Variants in SLC7A5 observed in about 807,000 individuals in gnomAD.
The protein encoded by SLC7A5 is solute carrier family 7 member 5.
A neutral mutation model predicts 50.2 loss-of-function variants in SLC7A5; 23 were observed. That is an observed-to-expected ratio of 0.46 (90% CI 0.33 to 0.65). The LOEUF is 0.65. Among genes scored for constraint, SLC7A5 ranks in the 30% least tolerant of loss-of-function variants. The pLI, the probability that SLC7A5 is intolerant of heterozygous loss-of-function variation, is 0.02. For missense variants in SLC7A5, 578 were observed against 684.4 expected (o/e 0.84, Z 1.73); for synonymous variants, 393 against 330.6 (o/e 1.19, Z -2.05).
intron 2 of SLC7A5, among the ~76,000 whole-genome samples, chr16:87,851,459 TCA>T (rs1219639295): frequency 6.6e-6 from 1 of 152,170 alleles, no homozygotes; most frequent in Non-Finnish European, 1.5e-5. Context: ...CTCTCAAGAT[TCA>T]CAGACATCGC....
intron 1 of SLC7A5, among the ~76,000 whole-genome samples, chr16:87,856,289 G>A (rs1339965401): frequency 6.6e-6 from 1 of 152,244 alleles, no homozygotes; most frequent in Non-Finnish European, 1.5e-5. Flanking sequence ...GGCAGAGATG[G>A]TCCAAGGCCT....
rs1437969492 is a variant in SLC7A5, at chr16:87,833,012, G to C, written c.1482C>G (p.Val494=). 1.2e-6 allele frequency: 2 copies of C among 1,613,902 alleles called. No homozygotes were observed. The highest frequency in any genetic ancestry group is 1.7e-6 in the Non-Finnish European group (2 of 1,179,892). The stretch of plus-strand genomic sequence containing the variant: ...CCACCTGCATGAGCTTCTGACACAG[G>C]ACGGTCGTGGAGACTGTCAGGAGAG... ...WLLQGIFSTT[V]LCQKLMQVVP... is the part of the protein sequence containing the mutation. The change falls in exon 10 of 10, where the codon GTC becomes GTG. Residue 494 remains valine, a synonymous_variant. Coordinates refer to ENST00000261622, the MANE Select transcript of SLC7A5 (RefSeq NM_003486.7). This position sits in a 1 kb window ranked among gnomAD's most constrained non-coding sequence, Gnocchi z 6.0.
In SLC7A5 at chr16:87,869,387, C is replaced by A. The variant is rs1417329745; in HGVS notation, c.36G>T (p.Ala12=). ...AGAGPKRRAL[A]APAAEEKEEA... is the part of the protein sequence containing the mutation. ...CTTCCTTCTCCTCGGCCGCCGGCGC[C>A]GCTAGCGCGCGCCGCTTCGGGCCCG... The change falls in exon 1 of 10, where the codon GCG becomes GCT. Residue 12 remains alanine (A), a synonymous_variant. Transcript: ENST00000261622. The A allele has an allele frequency of 6.4e-7, 1 of 1,570,638 alleles. No homozygotes were observed. The highest frequency in any genetic ancestry group is 8.6e-7 in the Non-Finnish European group (1 of 1,163,922).
Position 87,843,347 on chromosome 16 carries a change from C to CTTTTTTTT in SLC7A5, c.665-2200_665-2193dup, listed in dbSNP as rs60307560. Among the ~76,000 whole-genome samples the CTTTTTTTT allele has an allele frequency of 1.6e-3, 101 of 63,322 alleles. 7 individuals carry two copies. Among genetic ancestry groups the CTTTTTTTT allele is most frequent in the African/African-American group, 6.1e-3 (93 of 15,328 alleles). The allele number at this position is 63,322 out of a possible 152,430, so 41.5% of individuals were successfully genotyped here. Reference sequence around the variant, plus strand: ...ATTGGCAGCCCTAAGGCCTGAGTAACTTTTTTTTTTTTTTTTTTTTTTTTT... The same window carrying CTTTTTTTT: ...ATTGGCAGCCCTAAGGCCTGAGTAACTTTTTTTTTTTTTTTTTTTTTTTTTTTTTTTTT... On this transcript the variant is annotated intron_variant, in intron 2 of 9. Coordinates refer to ENST00000261622, the MANE Select transcript of SLC7A5 (RefSeq NM_003486.7).
At chr16:87,866,339 G>A (rs2055460544) in intron 1 of SLC7A5, among the ~76,000 whole-genome samples, 1 of 152,218 alleles carries the variant, frequency 6.6e-6, no homozygotes, top group African/African-American at 2.4e-5. Flanking sequence ...TGGGGGTCGG[G>A]GGTGGTAAAG....
intron 1 of SLC7A5, among the ~76,000 whole-genome samples, chr16:87,868,503 G>T (rs4843723): frequency 6.6e-6 from 1 of 152,104 alleles, no homozygotes; most frequent in African/African-American, 2.4e-5. Flanking sequence ...GTCAGCAATC[G>T]GAGCTCTAAC....
intron 1 of SLC7A5, among the ~76,000 whole-genome samples, chr16:87,857,935 G>A (rs2055341668): frequency 6.6e-6 from 1 of 152,208 alleles, no homozygotes; most frequent in Non-Finnish European, 1.5e-5. Context: ...AAACAGGCCA[G>A]GAAGATGCAG....
chr16:87,866,629 C>A (rs2055464884), intron 1 of SLC7A5, among the ~76,000 whole-genome samples: 1 of 152,064 alleles, frequency 6.6e-6, no homozygotes, highest in Non-Finnish European at 1.5e-5. Context: ...CCACACCCAG[C>A]TAATTTTTTG....
At position 87,853,745 on chromosome 16, in the gene SLC7A5, C is replaced by T. The variant is rs1338135783; in HGVS notation, c.539-1896G>A. On this transcript the variant is annotated intron_variant, in intron 1 of 9. Transcript: ENST00000261622. The surrounding 1 kb of genome is among the most constrained non-coding windows in gnomAD (Gnocchi z 4.4). ...GGATTCGCAAGAGGCCGGCTGATTG[C>T]ATCACTCGCTCATTCATGCCCGGAG... Among the ~76,000 whole-genome samples the T allele has an allele frequency of 1.3e-5, 2 of 152,206 alleles. No homozygotes were observed. The highest frequency in any genetic ancestry group is 6.5e-5 in the Admixed American group (1 of 15,284).
intron 1 of SLC7A5, among the ~76,000 whole-genome samples, chr16:87,856,673 C>T (rs1169212395): frequency 8.5e-5 from 13 of 152,214 alleles, no homozygotes; most frequent in Admixed American, 3.9e-4. Flanking sequence ...CACAGGGCCC[C>T]GAACTTGGTG....
intron 5 of SLC7A5, among the ~76,000 whole-genome samples, chr16:87,839,189 G>A (rs1385176068): frequency 6.6e-6 from 1 of 152,332 alleles, no homozygotes; most frequent in South Asian, 2.1e-4. Context: ...TAGGAAGCTG[G>A]CCAGAGCACC....
At chr16:87,846,456 A>G (rs1191810362) in intron 2 of SLC7A5, among the ~76,000 whole-genome samples, 5 of 152,210 alleles carry the variant, frequency 3.3e-5, no homozygotes, top group Non-Finnish European at 4.4e-5. Context: ...CTGTCCCCCA[A>G]AACTCAGACG....
At chr16:87,846,000 C>T (rs1301292095) in intron 2 of SLC7A5, among the ~76,000 whole-genome samples, 1 of 152,206 alleles carries the variant, frequency 6.6e-6, no homozygotes, top group African/African-American at 2.4e-5. Context: ...ATGGCAGGCC[C>T]AGGACACACT....
Position 87,852,735 on chromosome 16 carries a change from G to A in SLC7A5, c.539-886C>T, listed in dbSNP as rs1007812518. Among the ~76,000 whole-genome samples, 3 of 151,478 alleles carry A rather than the reference G, an allele frequency of 2.0e-5. No homozygotes were observed. Among genetic ancestry groups the A allele is most frequent in the Non-Finnish European group, 4.4e-5 (3 of 67,900 alleles). On this transcript the variant is annotated intron_variant, in intron 1 of 9. Transcript: ENST00000261622. This position sits in a 1 kb window ranked among gnomAD's most constrained non-coding sequence, Gnocchi z 4.5. ...AGGCACGCTGAGCCACTGTGTGTGT[G>A]TGCGTGTGTGTGTGTGTTTTGGGGG...
intron 1 of SLC7A5, among the ~76,000 whole-genome samples, chr16:87,857,126 C>G (rs1240207552): frequency 2.0e-5 from 3 of 152,270 alleles, no homozygotes; most frequent in Non-Finnish European, 2.9e-5. Flanking sequence ...ATCCACCTGC[C>G]TCCCTGCCAC....
chr16:87,836,697 G>A (rs33994652), intron 7 of SLC7A5, 50 bp from the exon 8 acceptor site: 127 of 1,598,106 alleles, frequency 7.9e-5, no homozygotes, highest in Non-Finnish European at 9.8e-5. Context: ...GAGCAGGGCT[G>A]TGGACGGCCG....
intron 8 of SLC7A5, among the ~76,000 whole-genome samples, chr16:87,835,571 T>G (rs1376328416): frequency 2.0e-5 from 3 of 152,214 alleles, no homozygotes; most frequent in African/African-American, 7.2e-5. Flanking sequence ...CCTCCCAGGT[T>G]CATGCCATTC....
chr16:87,863,853 G>C (rs1280251367), intron 1 of SLC7A5, among the ~76,000 whole-genome samples: 32 of 151,672 alleles, frequency 2.1e-4, no homozygotes, highest in Admixed American at 2.1e-3. Flanking sequence ...AGAGGCCCGA[G>C]GGCTGAGGAT....
rs765877604 is a variant in SLC7A5 at position 87,862,982 on chromosome 16, G to GC, written c.538+5902dup. Among the ~76,000 whole-genome samples, 15 of 152,154 alleles carry GC rather than the reference G, an allele frequency of 9.9e-5. No homozygotes were observed. Among genetic ancestry groups the GC allele is most frequent in the Non-Finnish European group, 1.6e-4 (11 of 68,026 alleles). ...CTCAGCCACCCGCAGCCAGAGTCCC[G>GC]CGAGACCGACGGACGGCCTGCCCCT... On this transcript the variant is annotated intron_variant, in intron 1 of 9. Coordinates refer to ENST00000261622, the MANE Select transcript of SLC7A5 (RefSeq NM_003486.7). The surrounding 1 kb of genome is among the most constrained non-coding windows in gnomAD (Gnocchi z 5.3).
Sources: gnomAD v4.1 joint callset for allele counts (sites outside exome capture counted in the v4.1 genomes callset) on GRCh38, gnomAD v4.1.1 for gene constraint, Gnocchi (gnomAD v3.1) non-coding constraint, MANE v1.5 for transcripts, NCBI Gene and HGNC (gene_info 2026-07-23, HGNC 2026-07-21) for gene names.